Variants in DAPK1 observed in about 807,000 individuals in gnomAD.
DAPK1 encodes death associated protein kinase 1, also known as death-associated protein kinase 1.
A neutral mutation model predicts 144.9 loss-of-function variants in DAPK1; 56 were observed. That is an observed-to-expected ratio of 0.39 (90% CI 0.31 to 0.48). The LOEUF is 0.48. Ranked by LOEUF, DAPK1 falls within the 20% of genes least tolerant of loss-of-function variation. The probability of loss-of-function intolerance (pLI) is 0.95; values close to 1 mark genes in which losing one functional copy is unlikely to be tolerated. For synonymous variants in DAPK1, 690 were observed against 749.0 expected (o/e 0.92, Z 1.29); for missense variants, 1,454 against 1,875.4 (o/e 0.78, Z 4.15).
At chr9:87,631,268 G>A (rs1829682631) in intron 3 of DAPK1, among the ~76,000 whole-genome samples, 1 of 152,120 alleles carries the variant, frequency 6.6e-6, no homozygotes. Context: ...TATATTTTGG[G>A]CAATTCCTAG....
chr9:87,530,034 G>A (rs868110547), intron 2 of DAPK1, among the ~76,000 whole-genome samples: 15 of 152,268 alleles, frequency 9.9e-5, no homozygotes, highest in African/African-American at 1.7e-4. Flanking sequence ...CTGTGCAGAC[G>A]AAATGAGAGA....
intron 2 of DAPK1, chr9:87,525,301 G>C: frequency 6.2e-7 from 1 of 1,606,834 alleles, no homozygotes; most frequent in Non-Finnish European, 8.5e-7. Context: ...CTGAGAGCAA[G>C]ATGGGTCACC....
At chr9:87,639,273 T>TC in intron 4 of DAPK1, 81 bp from the exon 5 acceptor site, 1 of 1,294,382 alleles carries the variant, frequency 7.7e-7, no homozygotes, top group East Asian at 2.5e-5. Context: ...TTTTTTTTTT[T>TC]TGGAGAGAAG....
At chr9:87,635,949 C>G (rs1252292261) in intron 3 of DAPK1, among the ~76,000 whole-genome samples, 1 of 152,174 alleles carries the variant, frequency 6.6e-6, no homozygotes, top group Non-Finnish European at 1.5e-5. Context: ...GGAGAGCTTT[C>G]TTTGGGTGAG....
intron 20 of DAPK1, among the ~76,000 whole-genome samples, chr9:87,683,944 G>T (rs559557570): frequency 5.3e-5 from 8 of 152,306 alleles, no homozygotes; most frequent in African/African-American, 1.9e-4. Flanking sequence ...GGAAGTGTGC[G>T]CTGGTGGTTG....
chr9:87,523,223 T>A (rs1825367505), intron 2 of DAPK1, among the ~76,000 whole-genome samples: 3 of 152,226 alleles, frequency 2.0e-5, no homozygotes, highest in African/African-American at 7.2e-5. Flanking sequence ...CTGTATTTTT[T>A]AAAATAGTCG....
intron 2 of DAPK1, among the ~76,000 whole-genome samples, chr9:87,593,571 A>G (rs997391439): frequency 7.2e-5 from 11 of 152,168 alleles, no homozygotes; most frequent in African/African-American, 2.7e-4. Context: ...CCGTCAGACT[A>G]CCAAGCTCTG....
At chr9:87,636,026 T>G (rs1829883572) in intron 3 of DAPK1, among the ~76,000 whole-genome samples, 1 of 152,220 alleles carries the variant, frequency 6.6e-6, no homozygotes, top group Non-Finnish European at 1.5e-5. Flanking sequence ...GTTGTTTGTT[T>G]TAAGAATAAG....
At position 87,606,227 on chromosome 9, in the gene DAPK1, AG is replaced by A. The variant is rs55709248; in HGVS notation, c.284+1054del. The stretch of plus-strand genomic sequence containing the variant: ...GGCCAGCTCCCAGGCGCCACCCTGC[AG>A]GTACCTCCACTTTGCAATCCCAGGT... On this transcript the variant is annotated intron_variant, in intron 3 of 25. Transcript: ENST00000408954. Among the ~76,000 whole-genome samples the A allele has an allele frequency of 6.0e-3, 920 of 152,292 alleles. 8 individuals are homozygous for A. Among genetic ancestry groups the A allele is most frequent in the Non-Finnish European group, 7.6e-3 (517 of 68,008 alleles).
chr9:87,545,900 A>G (rs188497422), intron 2 of DAPK1, among the ~76,000 whole-genome samples: 210 of 152,226 alleles, frequency 1.4e-3, no homozygotes, highest in African/African-American at 4.8e-3. Context: ...GTTCCATAAG[A>G]TGCTATATTT....
Position 87,706,927 on chromosome 9 carries a change from G to A in DAPK1, c.3856G>A (p.Gly1286Arg), listed in dbSNP as rs1188677511. ...AAGCTTCAGCAGCATCATGTGCTTCGGGTGTCACGACGTCTACTCACAGGC... is the reference window on the plus strand; with the variant it reads ...AAGCTTCAGCAGCATCATGTGCTTCAGGTGTCACGACGTCTACTCACAGGC... Reference protein sequence around the residue: ...KESFSSIMCFGCHDVYSQASL... With the variant: ...KESFSSIMCFRCHDVYSQASL... The change falls in exon 26 of 26, where the codon GGG (glycine) becomes AGG (arginine). Residue 1286 changes from glycine to arginine, a missense_variant. Around this residue, in one of 2 missense-constraint regions of DAPK1, gnomAD observed 1,025 missense variants for 1,237.9 expected, o/e 0.83. Transcript: ENST00000408954. The surrounding 1 kb of genome is among the most constrained non-coding windows in gnomAD (Gnocchi z 9.0). 7 of 1,613,542 alleles carry A rather than the reference G, an allele frequency of 4.3e-6. No homozygotes were observed. Among genetic ancestry groups the A allele is most frequent in the East Asian group, 2.2e-5 (1 of 44,882 alleles).
intron 19 of DAPK1, among the ~76,000 whole-genome samples, chr9:87,676,063 G>A (rs576478311): frequency 2.5e-4 from 38 of 152,252 alleles, no homozygotes; most frequent in African/African-American, 8.7e-4. Context: ...CACAGACCTA[G>A]GGGACACACA....
chr9:87,705,583 CTATT>C (rs576148102), intron 25 of DAPK1, among the ~76,000 whole-genome samples: 119 of 152,266 alleles, frequency 7.8e-4, no homozygotes, highest in African/African-American at 2.6e-3. Context: ...CCTTTCCTTT[CTATT>C]TATTTACTTA....
At chr9:87,588,159 C>T (rs993988813) in intron 2 of DAPK1, among the ~76,000 whole-genome samples, 6 of 152,200 alleles carry the variant, frequency 3.9e-5, no homozygotes, top group South Asian at 2.1e-4. Context: ...CATAATGCCA[C>T]GCAGGAGATT....
intron 23 of DAPK1, among the ~76,000 whole-genome samples, chr9:87,699,240 G>C (rs575718429): frequency 6.6e-6 from 1 of 152,178 alleles, no homozygotes. Flanking sequence ...CGTGATGAAA[G>C]CAACCCCCTT....
intron 2 of DAPK1, among the ~76,000 whole-genome samples, chr9:87,592,791 T>C (rs572352725): frequency 7.9e-5 from 12 of 152,144 alleles, no homozygotes; most frequent in South Asian, 2.1e-4. Flanking sequence ...TTTTAACTTA[T>C]CATCTTTCAG....
At chr9:87,630,529 G>A (rs894003873) in intron 3 of DAPK1, among the ~76,000 whole-genome samples, 4 of 152,112 alleles carry the variant, frequency 2.6e-5, no homozygotes, top group African/African-American at 9.7e-5. Context: ...TGTTCTGGTG[G>A]CCAAAGAGAG....
chr9:87,543,430 C>T (rs180797866), intron 2 of DAPK1, among the ~76,000 whole-genome samples: 22 of 152,276 alleles, frequency 1.4e-4, no homozygotes, highest in Non-Finnish European at 2.9e-4. Context: ...ATTTTGAGTG[C>T]AGTTTCTTTA....
At position 87,703,205 on chromosome 9, in the gene DAPK1, C is replaced by G; in HGVS notation, c.3048C>G (p.His1016Gln). 1 of 1,608,504 alleles carries G rather than the reference C, an allele frequency of 6.2e-7. No homozygotes were observed. The highest frequency in any genetic ancestry group is 8.5e-7 in the Non-Finnish European group (1 of 1,174,894). The change falls in exon 25 of 26, where the codon CAC becomes CAG. Residue 1016 changes from histidine to glutamine, a missense_variant. By Grantham distance (24) the His-to-Gln change is conservative. Transcript: ENST00000408954. ...TCAGGCGCATTGCTCAGCAGCTCCA[C>G]AGCACAGGCGAGGTGAGCCCCTGGG... ...EDLRRIAQQL[H>Q]STGEINIMQS... is the part of the protein sequence containing the mutation.
Sources: gnomAD v4.1 joint callset for allele counts (sites outside exome capture counted in the v4.1 genomes callset) on GRCh38, gnomAD v4.1.1 for gene constraint, gnomAD v4.1.1 regional missense constraint, Gnocchi (gnomAD v3.1) non-coding constraint, MANE v1.5 for transcripts, NCBI Gene and HGNC (gene_info 2026-07-23, HGNC 2026-07-21) for gene names.